LRP12: variants seen among roughly 807,000 people sequenced by gnomAD.
LRP12 encodes the protein LDL receptor related protein 12.
In LRP12, 14 loss-of-function variants were observed where a neutral mutation model predicts 66.0. The ratio of observed to expected loss-of-function variants is 0.21; its 90% CI spans 0.14 to 0.33. The LOEUF is 0.33. Among genes scored for constraint, LRP12 ranks in the 10% least tolerant of loss-of-function variants. The pLI is 1.00. For missense variants in LRP12, 889 were observed against 1,053.4 expected (o/e 0.84, Z 2.16); for synonymous variants, 357 against 359.1 (o/e 0.99, Z 0.07).
intron 1 of LRP12, among the ~76,000 whole-genome samples, chr8:104,580,794 C>A (rs575931737): frequency 6.6e-6 from 1 of 152,010 alleles, no homozygotes; most frequent in Non-Finnish European, 1.5e-5. Context: ...CAAATGCTTG[C>A]GAGGTTGTGG....
intron 1 of LRP12, among the ~76,000 whole-genome samples, chr8:104,549,705 A>G (rs567242335): frequency 6.6e-6 from 1 of 152,224 alleles, no homozygotes; most frequent in South Asian, 2.1e-4. Flanking sequence ...CCCGGCCTCC[A>G]CTTTTCTTAA....
intron 1 of LRP12, among the ~76,000 whole-genome samples, chr8:104,553,840 T>TAAAC (rs998615109): frequency 2.2e-4 from 34 of 152,266 alleles, no homozygotes; most frequent in African/African-American, 7.9e-4. Flanking sequence ...ACCAGTGCAC[T>TAAAC]AAACAAAAAT....
At position 104,540,184 on chromosome 8, in the gene LRP12, G is replaced by C. The variant is rs139881082; in HGVS notation, c.80-8221C>G. 6.7e-3 allele frequency among the ~76,000 whole-genome samples: 1,019 copies of C among 152,216 alleles called. 7 individuals carry two copies. Among genetic ancestry groups the C allele is most frequent in the Middle Eastern group, 0.01 (3 of 294 alleles). ...ATCTCTGTCCACACATACTATATGA[G>C]GACACAGTAAGAGAAGAGGCCATGT... On this transcript the variant is annotated intron_variant, in intron 1 of 6. Coordinates refer to ENST00000276654, the MANE Select transcript of LRP12 (RefSeq NM_013437.5).
Position 104,520,093 on chromosome 8 carries a change from A to G in LRP12, c.137-11019T>C, listed in dbSNP as rs528368817. 3.3e-5 allele frequency among the ~76,000 whole-genome samples: 5 copies of G among 152,130 alleles called. No individual in the cohort carries two copies. The South Asian group carries it at 1.0e-3, about 32-fold the overall frequency. On this transcript the variant is annotated intron_variant, in intron 2 of 6. Transcript: ENST00000276654. ...ACGGGTCATAGCACAGTATGAATGA[A>G]GATGAGGAGAGCAAAGAAACTGAAT...
rs1356203575 is a variant in LRP12, at chr8:104,489,738, AAAT to A, written c.*932_*934del. The A allele has an allele frequency of 1.3e-5, 2 of 152,336 alleles. No individual in the cohort carries two copies. Among genetic ancestry groups the A allele is most frequent in the African/African-American group, 4.8e-5 (2 of 41,472 alleles). The allele number at this position is 152,336 out of a possible 1,614,324, so 9.4% of individuals were successfully genotyped here. On this transcript the variant is annotated 3_prime_UTR_variant, in exon 7 of 7. Coordinates refer to ENST00000276654, the MANE Select transcript of LRP12 (RefSeq NM_013437.5). ...GGAAATATATAGTTGCTGTGGTAGC[AAAT>A]AATAGTATTTAAAGTGATAGTGCTT... is the stretch of plus-strand genomic sequence containing the variant.
chr8:104,496,964 A>T lies in LRP12; in HGVS notation c.1580+8T>A, dbSNP rs771208268. 1 of 1,518,820 alleles carries T rather than the reference A, an allele frequency of 6.6e-7. No individual in the cohort carries two copies. The highest frequency in any genetic ancestry group is 8.8e-7 in the Non-Finnish European group (1 of 1,134,254). The allele number at this position is 1,518,820 out of a possible 1,614,324, so 94.1% of individuals were successfully genotyped here. On this transcript the variant is annotated splice_region_variant and intron_variant, in intron 5 of 6. Transcript: ENST00000276654. ...ATTGAGGCCCAATAGTTCTGTCTTGATACTGACCTTCTTTCAAACATTCTC... is the reference window on the plus strand; with the variant it reads ...ATTGAGGCCCAATAGTTCTGTCTTGTTACTGACCTTCTTTCAAACATTCTC...
At chr8:104,540,360 T>C (rs1182370075) in intron 1 of LRP12, among the ~76,000 whole-genome samples, 2 of 152,162 alleles carry the variant, frequency 1.3e-5, no homozygotes, top group African/African-American at 2.4e-5. Flanking sequence ...GGTATTGTTA[T>C]GGTAGTCCAA....
Position 104,490,759 on chromosome 8 carries a change from C to A in LRP12, c.2494G>T (p.Val832Phe). Residue 832 changes from valine to phenylalanine, a missense_variant, in exon 7 of 7, where the codon GTC becomes TTC. By Grantham distance (50) the Val-to-Phe change is conservative. This residue lies in a region of LRP12 where 800 missense variants were observed against 964.5 expected (regional missense o/e 0.83). Transcript: ENST00000276654. ...GTGTCTGGTATCTGGGCAGTGTGGACAATACCACAGCGCTCACAGGGGCCA... is the reference window on the plus strand; with the variant it reads ...GTGTCTGGTATCTGGGCAGTGTGGAAAATACCACAGCGCTCACAGGGGCCA... ...RDGPCERCGIVHTAQIPDTCL... is the reference protein window; with the variant it reads ...RDGPCERCGIFHTAQIPDTCL... The A allele has an allele frequency of 6.2e-7, 1 of 1,614,094 alleles. No individual in the cohort carries two copies. Among genetic ancestry groups the A allele is most frequent in the Non-Finnish European group, 8.5e-7 (1 of 1,179,996 alleles).
intron 1 of LRP12, among the ~76,000 whole-genome samples, chr8:104,541,355 A>C (rs970840768): frequency 1.3e-5 from 2 of 152,180 alleles, no homozygotes; most frequent in African/African-American, 4.8e-5. Context: ...TCACAACATA[A>C]ACTGGAAAAG....
chr8:104,524,277 A>G (rs1564135498), intron 2 of LRP12, among the ~76,000 whole-genome samples: 1 of 151,698 alleles, frequency 6.6e-6, no homozygotes, highest in African/African-American at 2.4e-5. Context: ...ACAGTATTTA[A>G]TACATATAAC....
chr8:104,516,945 C>T (rs1227199293), intron 2 of LRP12, among the ~76,000 whole-genome samples: 1 of 151,878 alleles, frequency 6.6e-6, no homozygotes, highest in African/African-American at 2.4e-5. Flanking sequence ...AGAGTTGATA[C>T]TTCATGACAA....
At chr8:104,572,333 C>T (rs1812093172) in intron 1 of LRP12, among the ~76,000 whole-genome samples, 2 of 152,106 alleles carry the variant, frequency 1.3e-5, no homozygotes. Flanking sequence ...ATTTTAGTGG[C>T]AGCTACATGA....
In LRP12 at chr8:104,493,659, T is replaced by C. The variant is rs554877421; in HGVS notation, c.1713+1418A>G. The stretch of plus-strand genomic sequence containing the variant: ...TGAGGGCTTTGGGTCAGTCAATCTC[T>C]GGATAAGGCTAGAAACTGGGATTGG... On this transcript the variant is annotated intron_variant, in intron 6 of 6. Transcript: ENST00000276654. 7.2e-5 allele frequency among the ~76,000 whole-genome samples: 11 copies of C among 152,338 alleles called. No individual in the cohort carries two copies. The South Asian group carries it at 2.3e-3, about 32-fold the overall frequency.
At chr8:104,518,782 A>G (rs907844806) in intron 2 of LRP12, among the ~76,000 whole-genome samples, 1 of 152,042 alleles carries the variant, frequency 6.6e-6, no homozygotes, top group African/African-American at 2.4e-5. Context: ...ATATATACAT[A>G]TAGTTAATTA....
chr8:104,588,341 G>A (rs142040133), intron 1 of LRP12, among the ~76,000 whole-genome samples: 21 of 152,312 alleles, frequency 1.4e-4, no homozygotes, highest in Non-Finnish European at 2.5e-4. Context: ...GAATCGAGTA[G>A]GACAAGGGCT....
chr8:104,556,161 G>A (rs1399961355), intron 1 of LRP12, among the ~76,000 whole-genome samples: 1 of 152,066 alleles, frequency 6.6e-6, no homozygotes, highest in Non-Finnish European at 1.5e-5. Context: ...CAAAAGCAGT[G>A]CTATGAGGAA....
intron 1 of LRP12, among the ~76,000 whole-genome samples, chr8:104,547,148 CTATGT>C (rs1205990710): frequency 2.1e-5 from 3 of 142,776 alleles, no homozygotes; most frequent in African/African-American, 7.6e-5. Flanking sequence ...ATATACAATT[CTATGT>C]TATATCATAC....
intron 1 of LRP12, among the ~76,000 whole-genome samples, chr8:104,564,683 C>G (rs1178573262): frequency 2.6e-5 from 4 of 151,896 alleles, no homozygotes; most frequent in African/African-American, 9.7e-5. Context: ...GTAATTCCAG[C>G]ACTTTGGGAG....
chr8:104,491,288 T>C lies in LRP12; in HGVS notation c.1965A>G (p.Thr655=), dbSNP rs948080027. The C allele has an allele frequency of 1.2e-6, 2 of 1,614,192 alleles. No homozygotes were observed. The highest frequency in any genetic ancestry group is 1.7e-6 in the Non-Finnish European group (2 of 1,180,044). The change falls in exon 7 of 7, where the codon ACA becomes ACG. Residue 655 remains threonine (T), a synonymous_variant. Transcript: ENST00000276654. ...RSLFSVESDD[T]DTENERRDMA... The stretch of plus-strand genomic sequence containing the variant: ...TATCTCTTCTCTCATTTTCTGTGTC[T>C]GTATCATCAGACTCCACGGAAAACA...
Sources: gnomAD v4.1 joint callset for allele counts (sites outside exome capture counted in the v4.1 genomes callset) on GRCh38, gnomAD v4.1.1 for gene constraint, gnomAD v4.1.1 regional missense constraint, MANE v1.5 for transcripts, NCBI Gene and HGNC (gene_info 2026-07-23, HGNC 2026-07-21) for gene names.